IGF1R: variants seen among roughly 807,000 people sequenced by gnomAD.
The protein encoded by IGF1R is insulin-like growth factor 1 receptor.
In IGF1R, 44 loss-of-function variants were observed where a neutral mutation model predicts 144.6. That is an observed-to-expected ratio of 0.30 (90% confidence interval 0.24 to 0.39). The LOEUF is 0.39. IGF1R is among the 10% of genes least tolerant of loss of function. IGF1R has a pLI of 1.00. For missense variants in IGF1R, 1,355 were observed against 1,833.7 expected, an observed-to-expected ratio of 0.74 and a Z score of 4.77; for synonymous variants, 795 against 722.8, an observed-to-expected ratio of 1.10 and a Z score of -1.60.
At chr15:98,778,329 G>A (rs2055771504) in intron 2 of IGF1R, among the ~76,000 whole-genome samples, 1 of 152,198 alleles carries the variant, frequency 6.6e-6, no homozygotes, top group Non-Finnish European at 1.5e-5. Flanking sequence ...ACAATTCAGA[G>A]TGCTTGATGC....
At chr15:98,876,865 CT>C (rs1460513849) in intron 2 of IGF1R, among the ~76,000 whole-genome samples, 1 of 152,210 alleles carries the variant, frequency 6.6e-6, no homozygotes, top group African/African-American at 2.4e-5. Context: ...TAAGAGTTTA[CT>C]TTGAAAGTCT....
intron 13 of IGF1R, among the ~76,000 whole-genome samples, chr15:98,929,277 A>G (rs2015848080): frequency 6.6e-6 from 1 of 152,094 alleles, no homozygotes; most frequent in African/African-American, 2.4e-5. Context: ...TACAAAGATT[A>G]TTTTTCTTCA....
intron 2 of IGF1R, among the ~76,000 whole-genome samples, chr15:98,740,776 C>G (rs768682764): frequency 5.3e-5 from 8 of 152,228 alleles, no homozygotes; most frequent in Non-Finnish European, 1.2e-4. Context: ...AGGATCCACA[C>G]AGTTTAAACA....
chr15:98,910,135 T>G (rs77477352), intron 6 of IGF1R, among the ~76,000 whole-genome samples: 4,369 of 152,244 alleles, frequency 0.029, 221 homozygotes, highest in African/African-American at 0.099. Flanking sequence ...TGGGGGATCT[T>G]AGAGGGAAGC....
intron 2 of IGF1R, among the ~76,000 whole-genome samples, chr15:98,850,881 G>C (rs1025641197): frequency 7.7e-6 from 1 of 130,424 alleles, no homozygotes; most frequent in East Asian, 2.7e-4. Context: ...TTGATTGAGT[G>C]CATATTGTGG....
chr15:98,855,900 C>T (rs925748517), intron 2 of IGF1R, among the ~76,000 whole-genome samples: 27 of 152,156 alleles, frequency 1.8e-4, no homozygotes, highest in Admixed American at 1.5e-3. Flanking sequence ...TGCTGCCAGC[C>T]CCGTGATGCT....
intron 2 of IGF1R, chr15:98,880,744 G>A (rs566580322): frequency 6.6e-6 from 1 of 152,330 alleles, no homozygotes; most frequent in East Asian, 1.9e-4. Flanking sequence ...TTTGTTCTGG[G>A]ACCTCCCACA....
rs79997130 is a variant in IGF1R, at chr15:98,840,571, T to A, written c.641-50754T>A. Among the ~76,000 whole-genome samples the A allele has an allele frequency of 8.9e-3, 1,348 of 152,158 alleles. 23 individuals carry two copies. Among genetic ancestry groups the A allele is most frequent in the African/African-American group, 0.031 (1,291 of 41,498 alleles). On this transcript the variant is annotated intron_variant, in intron 2 of 20. Transcript: ENST00000650285. The stretch of plus-strand genomic sequence containing the variant: ...TTCATGCAGTCCTCCTGCCTCAGCC[T>A]CCCAAGTGGCTGGGGACTACAGGTG...
chr15:98,907,545 GAGA>G (rs753392332), intron 5 of IGF1R, among the ~76,000 whole-genome samples: 1 of 152,232 alleles, frequency 6.6e-6, no homozygotes, highest in African/African-American at 2.4e-5. Context: ...GCAGGAAGAG[GAGA>G]AGAAGGATTC....
intron 2 of IGF1R, among the ~76,000 whole-genome samples, chr15:98,729,563 C>CTTTTTTTTTTTT (rs5814895): frequency 6.8e-6 from 1 of 146,016 alleles, no homozygotes. Context: ...CCCTAATGTG[C>CTTTTTTTTTTTT]TTTTTTTTTT....
At chr15:98,820,717 G>C (rs2056785675) in intron 2 of IGF1R, 1 of 152,182 alleles carries the variant, frequency 6.6e-6, no homozygotes. Flanking sequence ...CACATTAAGT[G>C]CATATAAAAC....
intron 2 of IGF1R, among the ~76,000 whole-genome samples, chr15:98,723,104 C>G (rs1464128303): frequency 6.6e-6 from 1 of 151,970 alleles, no homozygotes; most frequent in East Asian, 1.9e-4. Flanking sequence ...AAAATGTCAG[C>G]AAAGTACCTG....
chr15:98,719,585 A>G (rs566569005), intron 2 of IGF1R, among the ~76,000 whole-genome samples: 3 of 152,338 alleles, frequency 2.0e-5, no homozygotes, highest in African/African-American at 7.2e-5. Flanking sequence ...AAAACAGCCA[A>G]ACTTGACCTA....
intron 1 of IGF1R, among the ~76,000 whole-genome samples, chr15:98,652,451 C>A (rs562956242): frequency 7.9e-5 from 12 of 152,168 alleles, no homozygotes; most frequent in Non-Finnish European, 1.8e-4. Context: ...AGAACCTAAA[C>A]AGCAAATTAT....
intron 1 of IGF1R, among the ~76,000 whole-genome samples, chr15:98,702,890 T>C (rs946271805): frequency 3.3e-5 from 5 of 152,174 alleles, no homozygotes; most frequent in African/African-American, 1.2e-4. Context: ...TGAGCCACGA[T>C]TGTGCTGCAG....
chr15:98,832,782 C>A (rs1447038199), intron 2 of IGF1R, among the ~76,000 whole-genome samples: 1 of 152,210 alleles, frequency 6.6e-6, no homozygotes, highest in Non-Finnish European at 1.5e-5. Context: ...GCTGTGTCTA[C>A]ATAAAAATTG....
At chr15:98,944,449 T>C (rs1384998159) in intron 19 of IGF1R, among the ~76,000 whole-genome samples, 1 of 152,216 alleles carries the variant, frequency 6.6e-6, no homozygotes, top group East Asian at 1.9e-4. Flanking sequence ...TTGACAGCGC[T>C]TCAGGTTTTG....
intron 1 of IGF1R, among the ~76,000 whole-genome samples, chr15:98,674,929 TATTAAA>T (rs952919618): frequency 6.6e-6 from 1 of 151,756 alleles, no homozygotes; most frequent in Non-Finnish European, 1.5e-5. Context: ...TTAATGAAAT[TATTAAA>T]ATTAAAATTA....
chr15:98,722,774 G>T (rs1302850758), intron 2 of IGF1R, among the ~76,000 whole-genome samples: 2 of 152,166 alleles, frequency 1.3e-5, no homozygotes, highest in East Asian at 3.9e-4. Context: ...AGGATTGGGG[G>T]AATAAAGGAG....
Sources: allele counts gnomAD v4.1 joint callset (sites outside exome capture counted in the v4.1 genomes callset), GRCh38; gene constraint gnomAD v4.1.1; transcripts MANE v1.5; gene names NCBI Gene and HGNC (gene_info 2026-07-23, HGNC 2026-07-21).